Variants in DGKB observed in about 807,000 individuals in gnomAD.
DGKB encodes the protein diacylglycerol kinase beta.
A neutral mutation model predicts 114.3 loss-of-function variants in DGKB; 67 were observed. The ratio of observed to expected loss-of-function variants is 0.59; its 90% CI spans 0.48 to 0.72. DGKB has a LOEUF of 0.72. Among genes scored for constraint, DGKB ranks in the 30% least tolerant of loss-of-function variants. The pLI is 0.00. For synonymous variants in DGKB, 398 were observed against 323.1 expected (o/e 1.23, Z -2.49); for missense variants, 907 against 975.2 (o/e 0.93, Z 0.93).
chr7:14,396,126 G>C (rs1822176380), intron 21 of DGKB, among the ~76,000 whole-genome samples: 2 of 152,022 alleles, frequency 1.3e-5, no homozygotes, highest in African/African-American at 4.8e-5. Context: ...TGTTATGAAA[G>C]GGTATATTTA....
At chr7:14,419,416 G>A (rs1189934012) in intron 21 of DGKB, among the ~76,000 whole-genome samples, 2 of 151,840 alleles carry the variant, frequency 1.3e-5, no homozygotes, top group Admixed American at 6.6e-5. Flanking sequence ...CTGAGTTTTG[G>A]AGATATAAAC....
Position 14,574,283 on chromosome 7 carries a change from G to A in DGKB, c.1699C>T (p.Pro567Ser). ...TCTCCTTTCTCATCTTTGTCATTAGGTATGACTTCAAACTTCCACCTGTCC... is the reference window on the plus strand; with the variant it reads ...TCTCCTTTCTCATCTTTGTCATTAGATATGACTTCAAACTTCCACCTGTCC... Reference protein sequence around the residue: ...MLDRWKFEVIPNDKDEKGDPV... With the variant: ...MLDRWKFEVISNDKDEKGDPV... The change falls in exon 20 of 26, where the codon CCT becomes TCT. Residue 567 changes from proline (P) to serine (S), a missense_variant. By Grantham distance (74) the Pro-to-Ser change is moderately conservative. This residue lies in a region of DGKB where 814 missense variants were observed against 856.6 expected (regional missense o/e 0.95). Coordinates refer to ENST00000402815, the MANE Select transcript of DGKB (RefSeq NM_001350709.2). 6.2e-7 allele frequency: 1 copy of A among 1,612,602 alleles called. No homozygotes were observed. The highest frequency in any genetic ancestry group is 1.3e-5 in the African/African-American group (1 of 74,934).
At chr7:14,151,230 T>C (rs1291245922) in intron 25 of DGKB, among the ~76,000 whole-genome samples, 1 of 152,066 alleles carries the variant, frequency 6.6e-6, no homozygotes, top group African/African-American at 2.4e-5. Flanking sequence ...CTTTACACGG[T>C]ATAATAGCAT....
intron 21 of DGKB, among the ~76,000 whole-genome samples, chr7:14,419,834 A>T (rs920710141): frequency 1.2e-4 from 18 of 152,100 alleles, no homozygotes; most frequent in African/African-American, 4.3e-4. Context: ...AGATAAGAAC[A>T]GTCTCAAAGT....
intron 20 of DGKB, among the ~76,000 whole-genome samples, chr7:14,490,919 A>G (rs966952027): frequency 1.4e-4 from 22 of 152,000 alleles, no homozygotes; most frequent in Non-Finnish European, 2.6e-4. Context: ...TTTCTGGTAA[A>G]TTATTCATTT....
At chr7:14,652,656 T>C (rs1394851334) in intron 13 of DGKB, among the ~76,000 whole-genome samples, 1 of 148,520 alleles carries the variant, frequency 6.7e-6, no homozygotes, top group Non-Finnish European at 1.5e-5. Context: ...AAATGGGATC[T>C]AATTAAAGTA....
chr7:14,888,811 C>A (rs1169062512), intron 1 of DGKB, among the ~76,000 whole-genome samples: 4 of 151,638 alleles, frequency 2.6e-5, no homozygotes, highest in Admixed American at 6.6e-5. Flanking sequence ...GTGTTTGAAG[C>A]TTCTTATTTA....
At chr7:14,213,516 C>T (rs944511628) in intron 23 of DGKB, among the ~76,000 whole-genome samples, 2 of 152,094 alleles carry the variant, frequency 1.3e-5, no homozygotes, top group Admixed American at 1.3e-4. Flanking sequence ...CCTTGGAAAA[C>T]AACATGTCTC....
chr7:14,687,500 C>G (rs1821924235), intron 9 of DGKB, among the ~76,000 whole-genome samples: 1 of 152,060 alleles, frequency 6.6e-6, no homozygotes, highest in African/African-American at 2.4e-5. Context: ...GTAGCTTTAT[C>G]ACGTGAATAG....
intron 20 of DGKB, among the ~76,000 whole-genome samples, chr7:14,540,182 G>A (rs1793191557): frequency 6.6e-6 from 1 of 151,956 alleles, no homozygotes; most frequent in African/African-American, 2.4e-5. Flanking sequence ...ATTTTGGGAG[G>A]TATAATATTT....
intron 21 of DGKB, among the ~76,000 whole-genome samples, chr7:14,414,203 T>A (rs905778807): frequency 6.6e-6 from 1 of 152,058 alleles, no homozygotes; most frequent in Non-Finnish European, 1.5e-5. Flanking sequence ...AGGTGAACAA[T>A]CAGTGTGAGA....
At chr7:14,501,486 C>T (rs892322679) in intron 20 of DGKB, among the ~76,000 whole-genome samples, 2 of 151,834 alleles carry the variant, frequency 1.3e-5, no homozygotes, top group Non-Finnish European at 2.9e-5. Flanking sequence ...GTTGTTGAAC[C>T]TCCAACCTAC....
At chr7:14,880,786 C>T (rs1290205531) in intron 1 of DGKB, among the ~76,000 whole-genome samples, 1 of 152,246 alleles carries the variant, frequency 6.6e-6, no homozygotes, top group African/African-American at 2.4e-5. Flanking sequence ...AATTTAATCA[C>T]CATTAAAACT....
At chr7:14,570,239 A>C (rs1798173954) in intron 20 of DGKB, among the ~76,000 whole-genome samples, 1 of 152,092 alleles carries the variant, frequency 6.6e-6, no homozygotes, top group Middle Eastern at 3.4e-3. Context: ...TTTCTCAATA[A>C]TGCAGCTTTC....
intron 21 of DGKB, among the ~76,000 whole-genome samples, chr7:14,427,911 T>A (rs560411883): frequency 6.6e-6 from 1 of 152,238 alleles, no homozygotes; most frequent in South Asian, 2.1e-4. Flanking sequence ...TAGATTCAAG[T>A]CTACAATAAT....
At chr7:14,359,750 C>A (rs192134649) in intron 21 of DGKB, among the ~76,000 whole-genome samples, 1 of 152,234 alleles carries the variant, frequency 6.6e-6, no homozygotes, top group African/African-American at 2.4e-5. Context: ...AAATGCAAAT[C>A]AAAACCACAA....
At chr7:14,389,621 T>A (rs1820999895) in intron 21 of DGKB, among the ~76,000 whole-genome samples, 1 of 152,180 alleles carries the variant, frequency 6.6e-6, no homozygotes, top group South Asian at 2.1e-4. Context: ...TAAAAATAAA[T>A]CACCTCTAAT....
chr7:14,909,355 T>C (rs1282236584), intron 1 of DGKB, among the ~76,000 whole-genome samples: 1 of 152,198 alleles, frequency 6.6e-6, no homozygotes, highest in South Asian at 2.1e-4. Context: ...TTGTGCAATG[T>C]TGCCTTGTAC....
chr7:14,355,139 C>G (rs758645134), intron 21 of DGKB, among the ~76,000 whole-genome samples: 1 of 152,114 alleles, frequency 6.6e-6, no homozygotes, highest in Non-Finnish European at 1.5e-5. Flanking sequence ...GGCTCTCTCC[C>G]TCTCTCCCCC....
Sources: allele counts gnomAD v4.1 joint callset (sites outside exome capture counted in the v4.1 genomes callset), GRCh38; gene constraint gnomAD v4.1.1; regional missense constraint gnomAD v4.1.1; transcripts MANE v1.5; gene names NCBI Gene and HGNC (gene_info 2026-07-23, HGNC 2026-07-21).